The following MYOT variants were observed in gnomAD, a reference collection of about 807,000 sequenced individuals.
MYOT encodes the protein 57 kDa cytoskeletal protein.
In MYOT, 36 loss-of-function variants were observed where a neutral mutation model predicts 58.0. The ratio of observed to expected loss-of-function variants is 0.62; its 90% CI spans 0.48 to 0.82. MYOT has a LOEUF of 0.82. Among genes scored for constraint, MYOT ranks in the 40% least tolerant of loss-of-function variants. MYOT has a pLI of 0.00. For synonymous variants in MYOT, 218 were observed against 204.6 expected, an observed-to-expected ratio of 1.07 and a Z score of -0.56; for missense variants, 505 against 592.1, an observed-to-expected ratio of 0.85 and a Z score of 1.53.
Position 137,882,203 on chromosome 5 carries a change from C to T in MYOT, c.816+98C>T, listed in dbSNP as rs79293904. ...CTACTTCATAGCTTGCAAAGCAGTA[C>T]GTACAATGGACAAGAACACAAATTC... is the stretch of plus-strand genomic sequence containing the variant. On this transcript the variant is annotated intron_variant, in intron 6 of 9. Transcript: ENST00000239926. The T allele has an allele frequency of 5.3e-5, 70 of 1,331,314 alleles. No individual in the cohort carries two copies. In the Admixed American group the frequency reaches 6.6e-4, roughly 13 times the overall value. The allele number at this position is 1,331,314 out of a possible 1,614,324, so 82.5% of individuals were successfully genotyped here.
intron 1 of MYOT, among the ~76,000 whole-genome samples, chr5:137,868,650 G>A (rs1038420135): frequency 6.6e-6 from 1 of 152,132 alleles, no homozygotes; most frequent in African/African-American, 2.4e-5. Flanking sequence ...AACTGTTTCT[G>A]GAAAATATCT....
intron 6 of MYOT, among the ~76,000 whole-genome samples, chr5:137,882,466 T>G (rs948145146): frequency 2.0e-5 from 3 of 151,678 alleles, no homozygotes; most frequent in Non-Finnish European, 2.9e-5. Flanking sequence ...TTTTTTTTTT[T>G]GAGACAGGGT....
In MYOT at chr5:137,887,791, TTA is replaced by T; in HGVS notation, c.*408_*409del. The stretch of plus-strand genomic sequence containing the variant: ...TGTAGGAATACTAACATGGTATAGA[TTA>T]TCTGAGTGTTCCACAGTTGTATGTC... On this transcript the variant is annotated 3_prime_UTR_variant, in exon 10 of 10. Transcript: ENST00000239926. 6.4e-6 allele frequency: 1 copy of T among 157,462 alleles called. No individual in the cohort carries two copies. The highest frequency in any genetic ancestry group is 1.9e-4 in the East Asian group (1 of 5,364). The allele number at this position is 157,462 out of a possible 1,614,324, so 9.8% of individuals were successfully genotyped here.
intron 3 of MYOT, among the ~76,000 whole-genome samples, chr5:137,877,066 TAA>T (rs34554181): frequency 3.5e-5 from 5 of 143,326 alleles, no homozygotes; most frequent in African/African-American, 7.6e-5. Context: ...GAAAAGACTT[TAA>T]AAAAAAAAAA....
chr5:137,879,053 A>G (rs1199386438), intron 4 of MYOT, among the ~76,000 whole-genome samples: 1 of 152,108 alleles, frequency 6.6e-6, no homozygotes, highest in Non-Finnish European at 1.5e-5. Context: ...CTCGTGCCTC[A>G]GACTCCCAAA....
At chr5:137,873,321 G>A (rs1180671823) in intron 2 of MYOT, among the ~76,000 whole-genome samples, 2 of 151,736 alleles carry the variant, frequency 1.3e-5, no homozygotes, top group African/African-American at 2.4e-5. Context: ...AAGGTCAGGA[G>A]TTTGAGACCA....
At chr5:137,875,733 G>A (rs1347591341) in intron 2 of MYOT, 96 bp from the exon 3 acceptor site, 2 of 1,045,408 alleles carry the variant, frequency 1.9e-6, no homozygotes, top group East Asian at 2.5e-5. Flanking sequence ...AATAATACTA[G>A]TAGTACTAAG....
chr5:137,883,290 G>A, intron 6 of MYOT, 94 bp from the exon 7 acceptor site: 1 of 1,059,364 alleles, frequency 9.4e-7, no homozygotes, highest in Non-Finnish European at 1.5e-6. Context: ...AACCCACTCA[G>A]ATACGGGAAC....
At chr5:137,872,404 G>A (rs1755078805) in intron 2 of MYOT, among the ~76,000 whole-genome samples, 1 of 151,968 alleles carries the variant, frequency 6.6e-6, no homozygotes, top group African/African-American at 2.4e-5. Context: ...TCTTAGTAAA[G>A]TCTTTCAATC....
intron 2 of MYOT, among the ~76,000 whole-genome samples, chr5:137,874,761 A>T (rs1230404540): frequency 1.3e-5 from 2 of 152,198 alleles, no homozygotes; most frequent in African/African-American, 4.8e-5. Context: ...TTTTCTCTAA[A>T]AATCACTTCA....
intron 8 of MYOT, 145 bp downstream of exon 8, chr5:137,886,358 G>C: frequency 2.5e-6 from 1 of 399,450 alleles, no homozygotes; most frequent in Non-Finnish European, 4.2e-6. Context: ...ATATATATTA[G>C]ATAAAAATGT....
At position 137,872,727 on chromosome 5, in the gene MYOT, T is replaced by G. The variant is rs367671462; in HGVS notation, c.356+1720T>G. The stretch of plus-strand genomic sequence containing the variant: ...CCCTTGGATTCTGACCTAGAGAAAT[T>G]TGAAAGCTTTATTTAGATTTTCATC... On this transcript the variant is annotated intron_variant, in intron 2 of 9. Coordinates refer to ENST00000239926, the MANE Select transcript of MYOT (RefSeq NM_006790.3). Among the ~76,000 whole-genome samples the G allele has an allele frequency of 2.0e-5, 3 of 152,266 alleles. No individual in the cohort carries two copies. In the East Asian group the frequency reaches 5.8e-4, roughly 29 times the overall value.
intron 7 of MYOT, among the ~76,000 whole-genome samples, chr5:137,884,856 A>G (rs765348900): frequency 9.9e-5 from 15 of 152,242 alleles, no homozygotes; most frequent in Non-Finnish European, 2.1e-4. Context: ...TATTTATTAT[A>G]CAGAAGTTTG....
intron 1 of MYOT, among the ~76,000 whole-genome samples, chr5:137,869,275 A>C (rs1424004225): frequency 2.6e-5 from 4 of 152,224 alleles, no homozygotes; most frequent in African/African-American, 9.6e-5. Context: ...AGGCAAATGT[A>C]TTTTGAATCA....
chr5:137,876,896 GAAC>G (rs1755240003), intron 3 of MYOT, among the ~76,000 whole-genome samples: 1 of 152,096 alleles, frequency 6.6e-6, no homozygotes, highest in South Asian at 2.1e-4. Flanking sequence ...GGAACATGCA[GAAC>G]AACGGAGGAA....
At position 137,883,389 on chromosome 5, in the gene MYOT, T is replaced by G; in HGVS notation, c.822T>G (p.Ser274Arg). ...GRFCRMDFKV[S>R]GLPAPDVSWY... ...CCTTGTGTTTTTCTTTCTAGGTGAG[T>G]GGACTGCCAGCTCCTGATGTGTCAT... Residue 274 changes from serine (S) to arginine (R), a missense_variant, in exon 7 of 10, where the codon AGT (serine) becomes AGG (arginine). Coordinates refer to ENST00000239926, the MANE Select transcript of MYOT (RefSeq NM_006790.3). 1 of 1,613,996 alleles carries G rather than the reference T, an allele frequency of 6.2e-7. No homozygotes were observed. The highest frequency in any genetic ancestry group is 8.5e-7 in the Non-Finnish European group (1 of 1,179,918).
rs940483894 is a variant in MYOT, at chr5:137,883,589, T to C, written c.1022T>C (p.Leu341Pro). 3 of 1,613,864 alleles carry C rather than the reference T, an allele frequency of 1.9e-6. No homozygotes were observed. Among genetic ancestry groups the C allele is most frequent in the Non-Finnish European group, 2.5e-6 (3 of 1,179,746 alleles). Residue 341 changes from leucine (L) to proline (P), a missense_variant and splice_region_variant, in exon 7 of 10, where the codon CTT becomes CCT. Transcript: ENST00000239926. ...ACCTTCACTGTGCAGCTGGATGTCCTTGGTAAGCCTCCAAAGAGACCCTTG... is the reference window on the plus strand; with the variant it reads ...ACCTTCACTGTGCAGCTGGATGTCCCTGGTAAGCCTCCAAAGAGACCCTTG... ...EATFTVQLDVLAKEHKRAPMF... is the reference protein window; with the variant it reads ...EATFTVQLDVPAKEHKRAPMF...
At position 137,877,560 on chromosome 5, in the gene MYOT, G is replaced by C. The variant is rs772125566; in HGVS notation, c.572G>C (p.Gly191Ala). ...YEEKMARRLL[G>A]PQNAAAVFQA... Reference sequence around the variant, plus strand: ...GAGAAGATGGCTCGCAGATTGCTAGGACCACAGAATGCAGCTGCTGTGTTT... The same window carrying C: ...GAGAAGATGGCTCGCAGATTGCTAGCACCACAGAATGCAGCTGCTGTGTTT... Residue 191 changes from glycine to alanine, a missense_variant, in exon 4 of 10, where the codon GGA becomes GCA. Gly to Ala is a moderately conservative substitution (Grantham distance 60). Coordinates refer to ENST00000239926, the MANE Select transcript of MYOT (RefSeq NM_006790.3). 2 of 1,613,900 alleles carry C rather than the reference G, an allele frequency of 1.2e-6. No homozygotes were observed. Among genetic ancestry groups the C allele is most frequent in the Non-Finnish European group, 1.7e-6 (2 of 1,179,878 alleles).
In MYOT at chr5:137,875,830, T is replaced by C; in HGVS notation, c.358T>C (p.Tyr120His). Residue 120 changes from tyrosine to histidine, a missense_variant and splice_region_variant, in exon 3 of 10, where the codon TAT (tyrosine) becomes CAT (histidine). Transcript: ENST00000239926. The part of the protein sequence containing the change: ...SKIPSAMDSN[Y>H]QQSSAGQPIN... Reference sequence around the variant, plus strand: ...ATCTTTTCTTTTTCCTTTTTAAAGCTATCAACAGTCCTCAGCTGGCCAACC... The same window carrying C: ...ATCTTTTCTTTTTCCTTTTTAAAGCCATCAACAGTCCTCAGCTGGCCAACC... The C allele has an allele frequency of 6.2e-7, 1 of 1,614,086 alleles. No homozygotes were observed. The highest frequency in any genetic ancestry group is 8.5e-7 in the Non-Finnish European group (1 of 1,179,958).
Sources: allele counts gnomAD v4.1 joint callset (sites outside exome capture counted in the v4.1 genomes callset), GRCh38; gene constraint gnomAD v4.1.1; transcripts MANE v1.5; gene names NCBI Gene and HGNC (gene_info 2026-07-23, HGNC 2026-07-21).